Variants in SPAG16 observed in about 807,000 individuals in gnomAD.
SPAG16 encodes the protein sperm-associated antigen 16 protein.
A neutral mutation model predicts 80.4 loss-of-function variants in SPAG16; 86 were observed. The ratio of observed to expected loss-of-function variants is 1.07; its 90% CI spans 0.90 to 1.28. The LOEUF (loss-of-function observed/expected upper bound fraction) is 1.28. SPAG16 is among the 50% of genes most tolerant of loss of function. The pLI is 0.00. For synonymous variants in SPAG16, 294 were observed against 265.9 expected, an observed-to-expected ratio of 1.11 and a Z score of -1.03; for missense variants, 870 against 765.3, an observed-to-expected ratio of 1.14 and a Z score of -1.61.
Position 214,260,408 on chromosome 2 carries a change from T to TAA in SPAG16, c.1720+111143_1720+111144dup, listed in dbSNP as rs534415768. 7.0e-3 allele frequency among the ~76,000 whole-genome samples: 1,059 copies of TAA among 152,120 alleles called. 9 individuals are homozygous for TAA. Among genetic ancestry groups the TAA allele is most frequent in the African/African-American group, 0.024 (1,012 of 41,504 alleles). ...GCCTCTACCACCTGGTAGGAGAAGG[T>TAA]AATAGTAAATTTGGTATCTTCTCCG... On this transcript the variant is annotated intron_variant, in intron 15 of 15. Coordinates refer to ENST00000331683, the MANE Select transcript of SPAG16 (RefSeq NM_024532.5).
At chr2:214,163,277 C>T (rs1354957191) in intron 15 of SPAG16, among the ~76,000 whole-genome samples, 3 of 151,908 alleles carry the variant, frequency 2.0e-5, no homozygotes, top group Admixed American at 6.6e-5. Flanking sequence ...AGTTGGCAAA[C>T]CTTTTTATGT....
chr2:213,419,579 A>G (rs1042063794), intron 9 of SPAG16, among the ~76,000 whole-genome samples: 10 of 152,334 alleles, frequency 6.6e-5, no homozygotes, highest in Admixed American at 6.5e-4. Flanking sequence ...TCAAGATATA[A>G]TGATGTCCAA....
At chr2:213,642,627 C>CAGCCTACATCTGTTTT (rs1282702804) in intron 10 of SPAG16, among the ~76,000 whole-genome samples, 1 of 111,704 alleles carries the variant, frequency 9.0e-6, no homozygotes, top group Non-Finnish European at 1.8e-5. Context: ...CTGGTCTACC[C>CAGCCTACATCTGTTTT]CGGCTAAAAT....
At chr2:213,773,280 A>G (rs1299902113) in intron 10 of SPAG16, among the ~76,000 whole-genome samples, 1 of 151,948 alleles carries the variant, frequency 6.6e-6, no homozygotes, top group East Asian at 1.9e-4. Context: ...GCATTCACAC[A>G]CTCCCTTGAA....
intron 5 of SPAG16, 78 bp from the exon 6 acceptor site, chr2:213,340,085 C>A (rs1199362669): frequency 1.0e-5 from 9 of 873,224 alleles, no homozygotes; most frequent in Middle Eastern, 2.7e-4. Context: ...TGGCACAATA[C>A]TGGATTTGAA....
intron 15 of SPAG16, among the ~76,000 whole-genome samples, chr2:214,304,387 T>C (rs1252736746): frequency 6.6e-6 from 1 of 152,204 alleles, no homozygotes; most frequent in African/African-American, 2.4e-5. Context: ...TTAAAGGCGT[T>C]CTTAAACCAC....
At chr2:213,616,912 G>A (rs1022056693) in intron 10 of SPAG16, among the ~76,000 whole-genome samples, 12 of 152,260 alleles carry the variant, frequency 7.9e-5, no homozygotes, top group Middle Eastern at 3.4e-3. Flanking sequence ...GAGTTACCTT[G>A]GGGTCTAGGA....
intron 15 of SPAG16, among the ~76,000 whole-genome samples, chr2:214,195,541 C>T (rs758807166): frequency 1.6e-4 from 24 of 151,894 alleles, no homozygotes; most frequent in Non-Finnish European, 3.4e-4. Flanking sequence ...TATATTAGAA[C>T]AAACTTTGCG....
At chr2:213,990,977 T>G (rs1042484274) in intron 12 of SPAG16, among the ~76,000 whole-genome samples, 1 of 152,112 alleles carries the variant, frequency 6.6e-6, no homozygotes, top group Admixed American at 6.6e-5. Context: ...CCCAGTTTCT[T>G]CCTTCTCCAA....
chr2:213,612,995 G>T (rs1194805898), intron 10 of SPAG16, among the ~76,000 whole-genome samples: 2 of 152,138 alleles, frequency 1.3e-5, no homozygotes, highest in Non-Finnish European at 2.9e-5. Flanking sequence ...TAAAATGATG[G>T]AATCATTATT....
At chr2:214,020,523 A>T (rs1246543517) in intron 13 of SPAG16, among the ~76,000 whole-genome samples, 1 of 152,174 alleles carries the variant, frequency 6.6e-6, no homozygotes, top group Non-Finnish European at 1.5e-5. Context: ...TTATATTTTC[A>T]AGGAATTCTG....
rs371888143 is a variant in SPAG16 at position 213,582,964 on chromosome 2, G to T, written c.1070+92874G>T. Among the ~76,000 whole-genome samples the T allele has an allele frequency of 5.3e-5, 8 of 152,146 alleles. No homozygotes were observed. The East Asian group carries it at 1.5e-3, about 29-fold the overall frequency. On this transcript the variant is annotated intron_variant, in intron 10 of 15. Coordinates refer to ENST00000331683, the MANE Select transcript of SPAG16 (RefSeq NM_024532.5). ...ACAACCATAACACAAATGTAAAAAT[G>T]AAAGAGGCACATTAAGGTTTATTGA...
intron 15 of SPAG16, among the ~76,000 whole-genome samples, chr2:214,291,649 G>C (rs1693814460): frequency 6.6e-6 from 1 of 152,156 alleles, no homozygotes; most frequent in Non-Finnish European, 1.5e-5. Flanking sequence ...TGTCTTTTAA[G>C]TGGAGAATTT....
intron 13 of SPAG16, among the ~76,000 whole-genome samples, chr2:214,029,739 G>A (rs145408837): frequency 1.5e-4 from 23 of 152,118 alleles, no homozygotes; most frequent in Admixed American, 9.8e-4. Flanking sequence ...TCAAAGAAGC[G>A]ACAAATTACT....
chr2:213,412,237 C>T (rs572676254), intron 9 of SPAG16, among the ~76,000 whole-genome samples: 2 of 152,292 alleles, frequency 1.3e-5, no homozygotes, highest in South Asian at 2.1e-4. Context: ...CCCTGTCATT[C>T]TCTTTAAATT....
At chr2:213,489,569 T>C (rs1197149653) in intron 9 of SPAG16, among the ~76,000 whole-genome samples, 1 of 152,108 alleles carries the variant, frequency 6.6e-6, no homozygotes, top group Non-Finnish European at 1.5e-5. Flanking sequence ...CGGCCATTTA[T>C]AGGGGACAAA....
chr2:214,290,944 T>G (rs1693748534), intron 15 of SPAG16, among the ~76,000 whole-genome samples: 1 of 152,172 alleles, frequency 6.6e-6, no homozygotes, highest in African/African-American at 2.4e-5. Context: ...AAAGTGCAAT[T>G]TAAATCTACT....
At chr2:213,742,304 C>A (rs959979330) in intron 10 of SPAG16, among the ~76,000 whole-genome samples, 10 of 152,028 alleles carry the variant, frequency 6.6e-5, no homozygotes, top group African/African-American at 2.4e-4. Context: ...CATTTGTCTT[C>A]CCTTTCAAGA....
intron 10 of SPAG16, among the ~76,000 whole-genome samples, chr2:213,719,428 A>G (rs1464387884): frequency 6.6e-6 from 1 of 152,132 alleles, no homozygotes; most frequent in Non-Finnish European, 1.5e-5. Flanking sequence ...TGTGTGTCGA[A>G]TCTCTGTATC....
Sources: allele counts gnomAD v4.1 joint callset (sites outside exome capture counted in the v4.1 genomes callset), GRCh38; gene constraint gnomAD v4.1.1; transcripts MANE v1.5; gene names NCBI Gene and HGNC (gene_info 2026-07-23, HGNC 2026-07-21).